Variants in TLK2 observed in about 807,000 individuals in gnomAD.
The protein encoded by TLK2 is tousled like kinase 2, also known as serine/threonine-protein kinase tousled-like 2.
TLK2 carries 6 observed loss-of-function variants against 117.3 expected under a neutral mutation model. The observed-to-expected ratio is 0.05, with a 90% CI of 0.03 to 0.10. The LOEUF is 0.10. Among genes scored for constraint, TLK2 ranks in the 10% least tolerant of loss-of-function variants. The pLI, the probability that TLK2 is intolerant of heterozygous loss-of-function variation, is 1.00. For synonymous variants in TLK2, 257 were observed against 316.7 expected (o/e 0.81, Z 2.00); for missense variants, 299 against 901.2 (o/e 0.33, Z 8.56).
chr17:62,610,970 T>A (rs1044389404), intron 21 of TLK2, among the ~76,000 whole-genome samples: 3 of 152,096 alleles, frequency 2.0e-5, no homozygotes, highest in African/African-American at 7.2e-5. Context: ...TGAGACCCAT[T>A]TCTACAAAAT....
chr17:62,583,736 C>G (rs1363742361), intron 15 of TLK2, among the ~76,000 whole-genome samples: 1 of 151,892 alleles, frequency 6.6e-6, no homozygotes. Flanking sequence ...CGACCCCACA[C>G]CCGGATAATT....
rs2079014853 is a variant in TLK2 at position 62,558,316 on chromosome 17, C to T, written c.721-1700C>T. On this transcript the variant is annotated intron_variant, in intron 9 of 21. Coordinates refer to ENST00000346027, the MANE Select transcript of TLK2 (RefSeq NM_006852.6). The stretch of plus-strand genomic sequence containing the variant: ...CAGCTGGCATCAGAGGCGCATGCCA[C>T]CACACATGGCTAATTTTCAAAATTT... 2.0e-5 allele frequency among the ~76,000 whole-genome samples: 3 copies of T among 152,206 alleles called. No homozygotes were observed. The South Asian group carries it at 6.2e-4, about 32-fold the overall frequency.
At chr17:62,591,458 C>G (rs977516589) in intron 16 of TLK2, among the ~76,000 whole-genome samples, 1 of 152,116 alleles carries the variant, frequency 6.6e-6, no homozygotes, top group Admixed American at 6.5e-5. Context: ...TTCAAAACAT[C>G]CAGTCCAGTG....
intron 19 of TLK2, among the ~76,000 whole-genome samples, chr17:62,605,449 T>C (rs2083215845): frequency 1.3e-5 from 2 of 152,132 alleles, no homozygotes; most frequent in Non-Finnish European, 2.9e-5. Flanking sequence ...CTTGGCTCAC[T>C]GCAGTCAACC....
chr17:62,519,673 T>A (rs1397690238), intron 2 of TLK2, among the ~76,000 whole-genome samples: 1 of 152,144 alleles, frequency 6.6e-6, no homozygotes. Context: ...AATATAAAAT[T>A]ATTTCTTCCT....
At chr17:62,540,242 C>T (rs1230001601) in intron 7 of TLK2, among the ~76,000 whole-genome samples, 1 of 149,644 alleles carries the variant, frequency 6.7e-6, no homozygotes, top group African/African-American at 2.4e-5. Flanking sequence ...CTGACTTCCA[C>T]AGCCTTCTAC....
At position 62,508,591 on chromosome 17, in the gene TLK2, A is replaced by C. The variant is rs1191442703; in HGVS notation, c.82-12182A>C. 5 of 973,086 alleles carry C rather than the reference A, an allele frequency of 5.1e-6. No individual in the cohort carries two copies. In the Admixed American group the frequency reaches 1.8e-4, roughly 36 times the overall value. 60.3% of individuals were successfully genotyped at this position (973,086 alleles called of 1,614,324 possible). Reference sequence around the variant, plus strand: ...TACAAAAAGAAAATACTGGAAGTGAATGTTGTTAGTTATATGAAAGTCTCA... The same window carrying C: ...TACAAAAAGAAAATACTGGAAGTGACTGTTGTTAGTTATATGAAAGTCTCA... On this transcript the variant is annotated intron_variant, in intron 2 of 21. Coordinates refer to ENST00000346027, the MANE Select transcript of TLK2 (RefSeq NM_006852.6).
chr17:62,536,105 G>A (rs998462484), intron 6 of TLK2, 65 bp from the exon 7 acceptor site: 4 of 1,538,440 alleles, frequency 2.6e-6, no homozygotes, highest in African/African-American at 2.8e-5. Context: ...TTAACCCGTT[G>A]CATGTTTGGG....
At chr17:62,544,248 A>C (rs2077742831) in intron 7 of TLK2, among the ~76,000 whole-genome samples, 1 of 152,210 alleles carries the variant, frequency 6.6e-6, no homozygotes, top group Admixed American at 6.6e-5. Flanking sequence ...TAATTTATGA[A>C]GAAAAGAGGT....
intron 19 of TLK2, among the ~76,000 whole-genome samples, chr17:62,604,150 A>C (rs911511081): frequency 3.3e-5 from 5 of 151,736 alleles, no homozygotes; most frequent in Non-Finnish European, 4.4e-5. Flanking sequence ...GTTTACATGC[A>C]CCCGCCACCA....
At chr17:62,479,792 G>T (rs1283439960) in intron 1 of TLK2, among the ~76,000 whole-genome samples, 1 of 152,204 alleles carries the variant, frequency 6.6e-6, no homozygotes, top group Non-Finnish European at 1.5e-5. Context: ...CCGCCGGGGC[G>T]TCATTTTCCG....
At chr17:62,585,313 C>A (rs34193647) in intron 15 of TLK2, among the ~76,000 whole-genome samples, 2 of 152,188 alleles carry the variant, frequency 1.3e-5, no homozygotes, top group Non-Finnish European at 2.9e-5. Flanking sequence ...GAGGCCGAAG[C>A]GGGGCGGATC....
At chr17:62,500,938 A>T (rs2074134379) in intron 2 of TLK2, among the ~76,000 whole-genome samples, 1 of 152,200 alleles carries the variant, frequency 6.6e-6, no homozygotes, top group African/African-American at 2.4e-5. Flanking sequence ...AATTTGTGAG[A>T]TACTAGAAAA....
intron 2 of TLK2, chr17:62,508,667 CAT>C (rs1280163577): frequency 5.3e-6 from 4 of 760,776 alleles, no homozygotes; most frequent in Non-Finnish European, 6.4e-6. Flanking sequence ...CGAAATAAGA[CAT>C]AAAAATCAGA....
chr17:62,525,704 C>T (rs1195273898), intron 6 of TLK2, among the ~76,000 whole-genome samples: 1 of 152,126 alleles, frequency 6.6e-6, no homozygotes, highest in Admixed American at 6.6e-5. Flanking sequence ...CCTGCCTCCA[C>T]CTCCCAAAGT....
At chr17:62,518,177 A>G (rs1022027847) in intron 2 of TLK2, among the ~76,000 whole-genome samples, 2 of 152,350 alleles carry the variant, frequency 1.3e-5, no homozygotes, top group African/African-American at 4.8e-5. Context: ...GATTTTTCAC[A>G]GAAAAAATTT....
chr17:62,545,751 G>A (rs575492139), intron 7 of TLK2, among the ~76,000 whole-genome samples: 1 of 152,276 alleles, frequency 6.6e-6, no homozygotes, highest in Admixed American at 6.5e-5. Flanking sequence ...CCAGGCTGTT[G>A]GAGTGCAGTG....
chr17:62,511,974 T>G (rs1196907981), intron 2 of TLK2, among the ~76,000 whole-genome samples: 1 of 152,218 alleles, frequency 6.6e-6, no homozygotes. Flanking sequence ...AGTGCATTTT[T>G]AGTTTTAAAA....
intron 6 of TLK2, among the ~76,000 whole-genome samples, chr17:62,533,557 GC>G (rs1042586934): frequency 3.6e-4 from 55 of 151,020 alleles, no homozygotes; most frequent in African/African-American, 1.1e-3. Flanking sequence ...GTTCACTGCA[GC>G]CTCTGCCTCC....
Sources: allele counts gnomAD v4.1 joint callset (sites outside exome capture counted in the v4.1 genomes callset), GRCh38; gene constraint gnomAD v4.1.1; transcripts MANE v1.5; gene names NCBI Gene and HGNC (gene_info 2026-07-23, HGNC 2026-07-21).